ZNF432: variants seen among roughly 807,000 people sequenced by gnomAD.
ZNF432 encodes zinc finger protein 432.
ZNF432 carries 10 observed loss-of-function variants against 13.9 expected under a neutral mutation model. The ratio of observed to expected loss-of-function variants is 0.72; its 90% CI spans 0.44 to 1.22. ZNF432 has a LOEUF of 1.22. ZNF432 is among the 50% of genes most tolerant of loss of function. The pLI, the probability that ZNF432 is intolerant of heterozygous loss-of-function variation, is 0.00. For missense variants in ZNF432, 793 were observed against 796.2 expected (o/e 1.00, Z 0.05); for synonymous variants, 247 against 256.2 (o/e 0.96, Z 0.34).
chr19:52,035,099 T>C lies in ZNF432; in HGVS notation c.580A>G (p.Lys194Glu), dbSNP rs377361885. Residue 194 changes from lysine (K) to glutamate (E), a missense_variant, in exon 5 of 5, where the codon AAG becomes GAG. By Grantham distance (56) the Lys-to-Glu change is moderately conservative (BLOSUM62 1). Transcript: ENST00000221315. ...KANSTKSQVS[K>E]HQRTHEIEKN... ...TCTATTTCATGAGTTCTCTGATGCT[T>C]ACTGACTTGGGATTTAGTGCTATTG... The C allele has an allele frequency of 1.9e-6, 3 of 1,613,956 alleles. No homozygotes were observed. The highest frequency in any genetic ancestry group is 2.5e-6 in the Non-Finnish European group (3 of 1,180,026).
In ZNF432 at chr19:52,033,323, A is replaced by C. The variant is rs2087033768; in HGVS notation, c.*397T>G. On this transcript the variant is annotated 3_prime_UTR_variant, in exon 5 of 5. Coordinates refer to ENST00000221315, the MANE Select transcript of ZNF432 (RefSeq NM_014650.4). Reference sequence around the variant, plus strand: ...GTATGCTAGGAGCACACTGCTGTTTAATCAGTTCACATTACTAACGTGGTT... The same window carrying C: ...GTATGCTAGGAGCACACTGCTGTTTCATCAGTTCACATTACTAACGTGGTT... 5.7e-6 allele frequency: 1 copy of C among 175,198 alleles called. No homozygotes were observed. The highest frequency in any genetic ancestry group is 2.4e-5 in the African/African-American group (1 of 41,892). The allele number at this position is 175,198 out of a possible 1,614,324, so 10.9% of individuals were successfully genotyped here. A position where few individuals can be genotyped will look rare whatever the true frequency, so the allele number is the denominator to read the frequency against.
intron 1 of ZNF432, among the ~76,000 whole-genome samples, chr19:52,048,182 C>CAAAAAAAAAAAA (rs910956223): frequency 1.4e-5 from 2 of 146,216 alleles, no homozygotes; most frequent in African/African-American, 5.3e-5. Flanking sequence ...CACACACACA[C>CAAAAAAAAAAAA]AAAACCAGCC....
chr19:52,032,516 A>G lies in ZNF432; in HGVS notation c.*1204T>C, dbSNP rs2087024575. The G allele has an allele frequency of 6.6e-6, 1 of 151,404 alleles. No homozygotes were observed. The highest frequency in any genetic ancestry group is 2.4e-5 in the African/African-American group (1 of 41,146). 9.4% of individuals were successfully genotyped at this position (151,404 alleles called of 1,614,324 possible). A position where few individuals can be genotyped will look rare whatever the true frequency, so the allele number is the denominator to read the frequency against. ...CAATGGCGCAATCTTGGCTCACTGAAACCTCTGCCTCCCAGGTTCAAGTGA... is the reference window on the plus strand; with the variant it reads ...CAATGGCGCAATCTTGGCTCACTGAGACCTCTGCCTCCCAGGTTCAAGTGA... On this transcript the variant is annotated 3_prime_UTR_variant, in exon 5 of 5. Transcript: ENST00000221315.
Position 52,033,509 on chromosome 19 carries a change from T to G in ZNF432, c.*211A>C. The stretch of plus-strand genomic sequence containing the variant: ...ACAGACTCTCTCTCAGATGAGTAAT[T>G]TTCTATACATTGGTACATCAAAGAA... On this transcript the variant is annotated 3_prime_UTR_variant, in exon 5 of 5. Transcript: ENST00000221315. The G allele has an allele frequency of 1.9e-6, 1 of 536,512 alleles. No individual in the cohort carries two copies. Among genetic ancestry groups the G allele is most frequent in the East Asian group, 3.1e-5 (1 of 31,788 alleles). The allele number at this position is 536,512 out of a possible 1,614,324, so 33.2% of individuals were successfully genotyped here. A position where few individuals can be genotyped will look rare whatever the true frequency, so the allele number is the denominator to read the frequency against.
intron 1 of ZNF432, chr19:52,047,322 T>C (rs545358608): frequency 6.1e-6 from 1 of 163,270 alleles, no homozygotes; most frequent in South Asian, 2.0e-4. Flanking sequence ...AGAAACTACA[T>C]TTTTTCCTTT....
chr19:52,046,107 G>A (rs1568524568), intron 2 of ZNF432, among the ~76,000 whole-genome samples: 1 of 151,932 alleles, frequency 6.6e-6, no homozygotes, highest in African/African-American at 2.4e-5. Context: ...AGAATTGGAG[G>A]TGAAAATGCA....
At chr19:52,045,952 G>A (rs1274231528) in intron 2 of ZNF432, among the ~76,000 whole-genome samples, 4 of 138,740 alleles carry the variant, frequency 2.9e-5, no homozygotes, top group African/African-American at 8.2e-5. Flanking sequence ...CCAAGATCAC[G>A]CACTGCACTC....
At position 52,043,696 on chromosome 19, in the gene ZNF432, A is replaced by G. The variant is rs1600054643; in HGVS notation, c.16-2090T>C. Among the ~76,000 whole-genome samples, 5 of 152,348 alleles carry G rather than the reference A, an allele frequency of 3.3e-5. No homozygotes were observed. In the East Asian group the frequency reaches 9.6e-4, roughly 29 times the overall value. On this transcript the variant is annotated intron_variant, in intron 2 of 4. Coordinates refer to ENST00000221315, the MANE Select transcript of ZNF432 (RefSeq NM_014650.4). ...CCGATTGTATGCTCCATCTACTGAG[A>G]TAGGGGAAAACCGCCTTAGGGCTGG...
At chr19:52,043,894 C>G (rs1346932315) in intron 2 of ZNF432, among the ~76,000 whole-genome samples, 1 of 152,190 alleles carries the variant, frequency 6.6e-6, no homozygotes, top group Non-Finnish European at 1.5e-5. Context: ...CCTGCCACAT[C>G]CCCCTCTCGG....
intron 4 of ZNF432, among the ~76,000 whole-genome samples, chr19:52,037,789 T>TA (rs74391730): frequency 0.064 from 7,149 of 111,986 alleles, 655 homozygotes; most frequent in African/African-American, 0.22. Flanking sequence ...GACTCTACCT[T>TA]AAAAAAAAAA....
rs919330849 is a variant in ZNF432 at position 52,040,566 on chromosome 19, G to T, written c.160C>A (p.Pro54Thr). 20 of 1,614,054 alleles carry T rather than the reference G, an allele frequency of 1.2e-5. No homozygotes were observed. Among genetic ancestry groups the T allele is most frequent in the Non-Finnish European group, 1.7e-5 (20 of 1,179,968 alleles). Residue 54 changes from proline to threonine, a missense_variant, in exon 4 of 5, where the codon CCA becomes ACA. Physicochemically the swap from Pro to Thr is conservative, Grantham distance 38. Transcript: ENST00000221315. The part of the protein sequence containing the change: ...LLSMGYQVSK[P>T]DALSKLERGE... Reference sequence around the variant, plus strand: ...CGTTCCAACTTGGAGAGTGCATCTGGTTTGCTGACTTGATAACCTGTTTAC... The same window carrying T: ...CGTTCCAACTTGGAGAGTGCATCTGTTTTGCTGACTTGATAACCTGTTTAC...
Position 52,039,221 on chromosome 19 carries a change from C to A in ZNF432, c.238+1267G>T, listed in dbSNP as rs1013423477. ...TACAAATGACCTGGCAATTCTACTC[C>A]TAGGTGAAGGCTCAAGAAAAATGAA... On this transcript the variant is annotated intron_variant, in intron 4 of 4. Coordinates refer to ENST00000221315, the MANE Select transcript of ZNF432 (RefSeq NM_014650.4). Among the ~76,000 whole-genome samples the A allele has an allele frequency of 4.6e-5, 7 of 152,172 alleles. 1 individual carries two copies. The highest frequency in any genetic ancestry group is 1.0e-4 in the Non-Finnish European group (7 of 68,042).
At position 52,034,778 on chromosome 19, in the gene ZNF432, T is replaced by C. The variant is rs771729723; in HGVS notation, c.901A>G (p.Lys301Glu). The C allele has an allele frequency of 6.2e-7, 1 of 1,612,110 alleles. No homozygotes were observed. Among genetic ancestry groups the C allele is most frequent in the Non-Finnish European group, 8.5e-7 (1 of 1,179,236 alleles). ...CGCTGATGTACAATGAGATTACGCT[T>C]GCCTGGGAAGCCTTTTCCACATTCA... ...CNECGKGFPGKRNLIVHQRNH... is the reference protein window; with the variant it reads ...CNECGKGFPGERNLIVHQRNH... The change falls in exon 5 of 5, where the codon AAG becomes GAG. Residue 301 changes from lysine (K) to glutamate (E), a missense_variant. Physicochemically the swap from Lys to Glu is moderately conservative, Grantham distance 56. Transcript: ENST00000221315.
intron 2 of ZNF432, among the ~76,000 whole-genome samples, chr19:52,041,816 C>G (rs988828145): frequency 6.6e-6 from 1 of 152,142 alleles, no homozygotes; most frequent in Non-Finnish European, 1.5e-5. Context: ...GGTTTTATAT[C>G]AAATCCTCTC....
rs577450242 is a variant in ZNF432, at chr19:52,040,283, C to T, written c.238+205G>A. 711 of 590,510 alleles carry T rather than the reference C, an allele frequency of 1.2e-3. 10 individuals carry two copies. The South Asian group carries it at 0.014, about 11-fold the overall frequency. The allele number at this position is 590,510 out of a possible 1,614,324, so 36.6% of individuals were successfully genotyped here. A position where few individuals can be genotyped will look rare whatever the true frequency, so the allele number is the denominator to read the frequency against. ...AGAAGAGAACTCCATAGGTAGAGGA[C>T]ATTCAATACAACACCAGCACAGACA... On this transcript the variant is annotated intron_variant, in intron 4 of 4. Coordinates refer to ENST00000221315, the MANE Select transcript of ZNF432 (RefSeq NM_014650.4).
chr19:52,034,417 C>A lies in ZNF432; in HGVS notation c.1262G>T (p.Arg421Ile), dbSNP rs1270793697. The A allele has an allele frequency of 1.2e-6, 2 of 1,613,790 alleles. No individual in the cohort carries two copies. The highest frequency in any genetic ancestry group is 1.7e-6 in the Non-Finnish European group (2 of 1,179,988). ...PRKSNLIVHQRNHTVEKSYLC... is the reference protein window; with the variant it reads ...PRKSNLIVHQINHTVEKSYLC... ...ATATGACTTCTCTACTGTATGATTT[C>A]TCTGATGTACAATAAGATTACTCTT... The change falls in exon 5 of 5, where the codon AGA becomes ATA. Residue 421 changes from arginine to isoleucine, a missense_variant. Coordinates refer to ENST00000221315, the MANE Select transcript of ZNF432 (RefSeq NM_014650.4).
At chr19:52,037,788 T>TAAGAA (rs1297309262) in intron 4 of ZNF432, among the ~76,000 whole-genome samples, 1 of 97,714 alleles carries the variant, frequency 1.0e-5, no homozygotes, top group African/African-American at 4.9e-5. Flanking sequence ...AGACTCTACC[T>TAAGAA]TAAAAAAAAA....
At chr19:52,043,290 T>G (rs2087152564) in intron 2 of ZNF432, among the ~76,000 whole-genome samples, 3 of 152,248 alleles carry the variant, frequency 2.0e-5, no homozygotes. Flanking sequence ...CGGAAACATG[T>G]GCTGTGTCAA....
intron 2 of ZNF432, among the ~76,000 whole-genome samples, chr19:52,046,601 T>A (rs2087185501): frequency 6.6e-6 from 1 of 152,226 alleles, no homozygotes; most frequent in South Asian, 2.1e-4. Flanking sequence ...GTGACTTTCT[T>A]GTACTGGCTG....
Sources: gnomAD v4.1 joint callset for allele counts (sites outside exome capture counted in the v4.1 genomes callset) on GRCh38, gnomAD v4.1.1 for gene constraint, MANE v1.5 for transcripts, NCBI Gene and HGNC (gene_info 2026-07-23, HGNC 2026-07-21) for gene names.